The following SPEF2 variants were observed in gnomAD, a reference collection of about 807,000 sequenced individuals.
SPEF2 encodes the protein sperm flagellar and cilia associated 2.
A neutral mutation model predicts 224.6 loss-of-function variants in SPEF2; 187 were observed. The ratio of observed to expected loss-of-function variants is 0.83; its 90% confidence interval spans 0.74 to 0.94. The LOEUF is 0.94. SPEF2 is among the 40% of genes least tolerant of loss of function. The pLI is 0.00. For missense variants in SPEF2, 2,170 were observed against 2,135.6 expected (o/e 1.02, Z -0.32); for synonymous variants, 715 against 707.3 (o/e 1.01, Z -0.17).
At chr5:35,700,291 G>A (rs1738339268) in intron 15 of SPEF2, 2 of 593,750 alleles carry the variant, frequency 3.4e-6, no homozygotes, top group Non-Finnish European at 5.9e-6. Context: ...TAGATTTGGA[G>A]GGCAGCACAG....
chr5:35,643,936 T>A (rs956500983), intron 3 of SPEF2, among the ~76,000 whole-genome samples: 8 of 152,170 alleles, frequency 5.3e-5, no homozygotes, highest in Non-Finnish European at 4.4e-5. Flanking sequence ...TAGGAAGTTT[T>A]AATGTTTCTT....
At chr5:35,683,663 G>T in intron 10 of SPEF2, among the ~76,000 whole-genome samples, 1 of 152,158 alleles carries the variant, frequency 6.6e-6, no homozygotes, top group East Asian at 1.9e-4. Context: ...CTAGTGAACA[G>T]GTTGTGACTT....
intron 30 of SPEF2, chr5:35,789,619 A>G (rs1346044783): frequency 1.6e-6 from 1 of 632,542 alleles, no homozygotes; most frequent in East Asian, 2.7e-5. Context: ...AAGAGACTTC[A>G]AGGCTGTTTC....
intron 28 of SPEF2, among the ~76,000 whole-genome samples, chr5:35,774,309 A>G (rs1193039590): frequency 6.6e-6 from 1 of 152,242 alleles, no homozygotes; most frequent in Non-Finnish European, 1.5e-5. Flanking sequence ...AAGCAATAGC[A>G]GTAATTAAAA....
In SPEF2 at chr5:35,670,218, A is replaced by G; in HGVS notation, c.1515A>G (p.Glu505=). The change falls in exon 10 of 37, where the codon GAA becomes GAG. Residue 505 remains glutamate, a synonymous_variant. Coordinates refer to ENST00000356031, the MANE Select transcript of SPEF2 (RefSeq NM_024867.4). ...KRDLLDTNDY[E]EYKNMVGEWA... ...ACTTGCTAGATACCAATGATTATGA[A>G]GAATATAAGGTACCTACTGATATGA... The G allele has an allele frequency of 1.2e-6, 2 of 1,607,754 alleles. No individual in the cohort carries two copies. Among genetic ancestry groups the G allele is most frequent in the Non-Finnish European group, 1.7e-6 (2 of 1,177,046 alleles).
At chr5:35,741,868 A>G (rs578020382) in intron 23 of SPEF2, among the ~76,000 whole-genome samples, 79 of 152,288 alleles carry the variant, frequency 5.2e-4, no homozygotes, top group Non-Finnish European at 8.2e-4. Context: ...GCCTTCCTGT[A>G]TACTTCTTCC....
At position 35,692,567 on chromosome 5, in the gene SPEF2, T is replaced by C. The variant is rs1754678407; in HGVS notation, c.1745-3T>C. The C allele has an allele frequency of 5.7e-6, 9 of 1,581,590 alleles. No homozygotes were observed. The highest frequency in any genetic ancestry group is 6.9e-6 in the Non-Finnish European group (8 of 1,166,984). On this transcript the variant is annotated splice_region_variant and splice_polypyrimidine_tract_variant and intron_variant, in intron 11 of 36. Transcript: ENST00000356031. The stretch of plus-strand genomic sequence containing the variant: ...ATTTATAAAATTATCTTTTGTACTT[T>C]AGACTTTCCTATACAGATACTTTCT...
intron 33 of SPEF2, 118 bp from the exon 34 acceptor site, chr5:35,799,850 A>G: frequency 1.9e-6 from 2 of 1,054,626 alleles, no homozygotes; most frequent in East Asian, 2.4e-5. Flanking sequence ...AGCTTTACTA[A>G]TTCAATCCTC....
intron 36 of SPEF2, among the ~76,000 whole-genome samples, chr5:35,811,751 G>A (rs1332623087): frequency 1.3e-5 from 2 of 148,832 alleles, no homozygotes; most frequent in Admixed American, 6.7e-5. Context: ...AAAAGTAGTT[G>A]CAGTTTTTGC....
At chr5:35,692,761 A>G (rs1362951386) in intron 12 of SPEF2, 37 bp downstream of exon 12, 1 of 1,585,450 alleles carries the variant, frequency 6.3e-7, no homozygotes. Context: ...TGCGCCTAGT[A>G]CATTAGAGAT....
intron 30 of SPEF2, chr5:35,788,717 G>A: frequency 1.4e-6 from 1 of 703,014 alleles, no homozygotes; most frequent in Non-Finnish European, 2.6e-6. Context: ...CAACGAGGTG[G>A]CCCTACTATT....
At chr5:35,671,362 A>T (rs530387412) in intron 10 of SPEF2, 1 of 959,328 alleles carries the variant, frequency 1.0e-6, no homozygotes, top group East Asian at 1.1e-4. Flanking sequence ...TAATTAAATG[A>T]ATCTGTATTT....
chr5:35,660,136 A>G (rs1282534259), intron 8 of SPEF2, among the ~76,000 whole-genome samples: 2 of 152,126 alleles, frequency 1.3e-5, no homozygotes, highest in African/African-American at 2.4e-5. Flanking sequence ...TTTTTGTCCC[A>G]AACTTTATGT....
chr5:35,763,372 A>G lies in SPEF2; in HGVS notation c.3621-150A>G, dbSNP rs566286043. On this transcript the variant is annotated intron_variant, in intron 25 of 36. Coordinates refer to ENST00000356031, the MANE Select transcript of SPEF2 (RefSeq NM_024867.4). ...CAAAAATTTGAATGCAGTGTTTTAT[A>G]ATCTTTTCTCCATTAAAATAATTCT... 5.5e-5 allele frequency: 42 copies of G among 756,842 alleles called. No homozygotes were observed. In the East Asian group the frequency reaches 1.1e-3, roughly 21 times the overall value. The allele number at this position is 756,842 out of a possible 1,614,324, so 46.9% of individuals were successfully genotyped here.
chr5:35,637,308 G>T lies in SPEF2; in HGVS notation c.162-4123G>T, dbSNP rs562351656. On this transcript the variant is annotated intron_variant, in intron 2 of 36. Coordinates refer to ENST00000356031, the MANE Select transcript of SPEF2 (RefSeq NM_024867.4). Reference sequence around the variant, plus strand: ...GTTGATTTTTACAATTTTTATGAGTGTTATTGTTGCCTTTAAGGAGGAACC... The same window carrying T: ...GTTGATTTTTACAATTTTTATGAGTTTTATTGTTGCCTTTAAGGAGGAACC... 3.3e-5 allele frequency among the ~76,000 whole-genome samples: 5 copies of T among 152,282 alleles called. No homozygotes were observed. The East Asian group carries it at 9.7e-4, about 29-fold the overall frequency.
chr5:35,674,337 C>CTTTT (rs35129181), intron 10 of SPEF2, among the ~76,000 whole-genome samples: 30 of 94,400 alleles, frequency 3.2e-4, no homozygotes, highest in African/African-American at 7.8e-4. Flanking sequence ...TTTTCGTCTT[C>CTTTT]TTTTTTTTTT....
At chr5:35,701,530 G>A (rs956625753) in intron 16 of SPEF2, among the ~76,000 whole-genome samples, 25 of 152,124 alleles carry the variant, frequency 1.6e-4, no homozygotes, top group Non-Finnish European at 3.4e-4. Context: ...ATCAACAAAT[G>A]ATTGCCTTCA....
chr5:35,683,978 AC>A (rs1480207653), intron 10 of SPEF2: 2 of 152,236 alleles, frequency 1.3e-5, no homozygotes, highest in African/African-American at 2.4e-5. Context: ...TGTGATATTT[AC>A]CTGGTTTTGC....
chr5:35,670,727 G>T, intron 10 of SPEF2: 1 of 985,804 alleles, frequency 1.0e-6, no homozygotes, highest in Non-Finnish European at 1.2e-6. Context: ...GTGATTTTTA[G>T]AAGAACTGTT....
Sources: gnomAD v4.1 joint callset for allele counts (sites outside exome capture counted in the v4.1 genomes callset) on GRCh38, gnomAD v4.1.1 for gene constraint, MANE v1.5 for transcripts, NCBI Gene and HGNC (gene_info 2026-07-23, HGNC 2026-07-21) for gene names.